Variants in TENM2 observed in about 807,000 individuals in gnomAD.
TENM2 encodes teneurin-2.
In TENM2, 52 loss-of-function variants were observed where a neutral mutation model predicts 245.2. The ratio of observed to expected loss-of-function variants is 0.21; its 90% CI spans 0.17 to 0.27. The LOEUF (loss-of-function observed/expected upper bound fraction) is 0.27, where lower values mean the gene tolerates loss of function less well. TENM2 is among the 10% of genes least tolerant of loss of function. The pLI is 1.00. For synonymous variants in TENM2, 1,363 were observed against 1,438.9 expected (o/e 0.95, Z 1.19); for missense variants, 3,046 against 3,666.8 (o/e 0.83, Z 4.37).
At chr5:167,251,608 C>CT in the TENM2 span, among the ~76,000 whole-genome samples, 9 of 152,210 alleles carry the variant, frequency 5.9e-5, no homozygotes, top group South Asian at 1.5e-3. Flanking sequence ...TATCATACAG[C>CT]TTGTATTCCA....
chr5:168,110,329 C>G (rs1431599476), intron 9 of TENM2, among the ~76,000 whole-genome samples: 1 of 152,178 alleles, frequency 6.6e-6, no homozygotes, highest in Non-Finnish European at 1.5e-5. Flanking sequence ...AAAATCCTAT[C>G]TAGTGATGAC....
exon 19 of TENM2, chr5:168,204,579 G>A (rs747328573): frequency 3.7e-6 from 6 of 1,613,952 alleles, no homozygotes; most frequent in South Asian, 1.1e-5. Context: ...TACATCCGAC[G>A]CATCTTTCCC....
chr5:168,192,431 G>T (rs1485480874), intron 14 of TENM2, among the ~76,000 whole-genome samples: 1 of 152,116 alleles, frequency 6.6e-6, no homozygotes, highest in African/African-American at 2.4e-5. Flanking sequence ...TCTCTCAAAA[G>T]AATAAGTAAC....
the TENM2 span, among the ~76,000 whole-genome samples, chr5:167,031,704 A>G: frequency 2.2e-4 from 34 of 152,246 alleles, no homozygotes; most frequent in African/African-American, 7.7e-4. Flanking sequence ...AGCTGGGATT[A>G]CAGGCATGCG....
At chr5:168,058,961 G>A (rs1485023417) in intron 6 of TENM2, among the ~76,000 whole-genome samples, 1 of 152,154 alleles carries the variant, frequency 6.6e-6, no homozygotes, top group Admixed American at 6.5e-5. Flanking sequence ...TAAGCAAATT[G>A]CTAGAGGTCA....
intron 5 of TENM2, among the ~76,000 whole-genome samples, chr5:168,010,710 G>A (rs12153623): frequency 0.13 from 20,487 of 152,250 alleles, 1,535 homozygotes; most frequent in East Asian, 0.27. Context: ...ATTGGAAGTC[G>A]TGGAGAATGA....
At position 168,218,201 on chromosome 5, in the gene TENM2, T is replaced by G. The variant is rs1457303902; in HGVS notation, c.4310T>G (p.Ile1437Ser). 6.2e-7 allele frequency: 1 copy of G among 1,613,824 alleles called. No individual in the cohort carries two copies. The highest frequency in any genetic ancestry group is 1.7e-5 in the Admixed American group (1 of 59,998). ...TTGTATGTTCTAGAGAACAATGTCATCCTTCGAATCACCGAGAACCACCAA... is the reference window on the plus strand; with the variant it reads ...TTGTATGTTCTAGAGAACAATGTCAGCCTTCGAATCACCGAGAACCACCAA... Residue 1437 changes from isoleucine to serine, a missense_variant, in exon 23 of 29, where the codon ATC (isoleucine) becomes AGC (serine). By Grantham distance (142) the Ile-to-Ser change is moderately radical (BLOSUM62 -2). Coordinates refer to ENST00000518659, the Ensembl canonical transcript of TENM2. The surrounding 1 kb of genome is among the most constrained non-coding windows in gnomAD (Gnocchi z 5.2).
chr5:167,137,762 T>C, the TENM2 span, among the ~76,000 whole-genome samples: 1 of 152,228 alleles, frequency 6.6e-6, no homozygotes, highest in Non-Finnish European at 1.5e-5. Context: ...GCTACTGGCT[T>C]GTTAACTTTA....
intron 1 of TENM2, among the ~76,000 whole-genome samples, chr5:167,305,471 A>C (rs1755617612): frequency 6.6e-6 from 1 of 152,214 alleles, no homozygotes; most frequent in South Asian, 2.1e-4. Context: ...CATCTTTACA[A>C]GGTCTTTTTT....
intron 5 of TENM2, among the ~76,000 whole-genome samples, chr5:168,033,949 C>A (rs1005754567): frequency 6.6e-6 from 1 of 150,486 alleles, no homozygotes; most frequent in Non-Finnish European, 1.5e-5. Flanking sequence ...ATGGCGTGAA[C>A]CTGGGAGGCA....
At chr5:168,118,162 C>T in intron 9 of TENM2, 130 bp from the exon 12 acceptor site, 1 of 616,902 alleles carries the variant, frequency 1.6e-6, no homozygotes. Flanking sequence ...TGCACCTGCA[C>T]AGCCAGAGTC....
At chr5:168,088,773 A>G (rs1203559349) in intron 7 of TENM2, among the ~76,000 whole-genome samples, 1 of 152,228 alleles carries the variant, frequency 6.6e-6, no homozygotes, top group East Asian at 1.9e-4. Context: ...GTCTGATGGC[A>G]AAGCCTTTGT....
At chr5:167,838,441 C>T (rs549844613) in intron 2 of TENM2, among the ~76,000 whole-genome samples, 1 of 152,230 alleles carries the variant, frequency 6.6e-6, no homozygotes, top group East Asian at 1.9e-4. Flanking sequence ...ACTAGTTCAA[C>T]AGGGACATGA....
intron 2 of TENM2, among the ~76,000 whole-genome samples, chr5:167,706,199 ATATAAT>A (rs903195931): frequency 9.6e-5 from 14 of 146,136 alleles, no homozygotes; most frequent in African/African-American, 3.5e-4. Context: ...ATCATATACT[ATATAAT>A]TATATAGTAT....
intron 2 of TENM2, among the ~76,000 whole-genome samples, chr5:167,787,092 G>A (rs1416624612): frequency 6.6e-6 from 1 of 152,158 alleles, no homozygotes; most frequent in Non-Finnish European, 1.5e-5. Flanking sequence ...GGGCAAATAA[G>A]GAGCATCTGC....
Position 167,755,108 on chromosome 5 carries a change from C to A in TENM2, c.503-120878C>A, listed in dbSNP as rs768222199. 2.5e-6 allele frequency: 4 copies of A among 1,598,986 alleles called. No homozygotes were observed. The South Asian group carries it at 4.4e-5, about 18-fold the overall frequency. ...CGTTGCTGGCACAATTGAATGCAAGCCAGATCATCTCTTATGGAGACCCGG... is the reference window on the plus strand; with the variant it reads ...CGTTGCTGGCACAATTGAATGCAAGACAGATCATCTCTTATGGAGACCCGG... On this transcript the variant is annotated intron_variant, in intron 2 of 28. Coordinates refer to ENST00000518659, the Ensembl canonical transcript of TENM2.
chr5:167,752,021 A>G (rs571842298), intron 2 of TENM2, among the ~76,000 whole-genome samples: 13 of 152,132 alleles, frequency 8.5e-5, no homozygotes, highest in Admixed American at 3.9e-4. Flanking sequence ...TGATGCTTTC[A>G]TCCTAAGAAA....
intron 8 of TENM2, among the ~76,000 whole-genome samples, chr5:168,093,472 A>G (rs182855899): frequency 1.3e-5 from 2 of 152,354 alleles, no homozygotes; most frequent in East Asian, 3.9e-4. Flanking sequence ...TCCTATCATC[A>G]GAACATTCTC....
At chr5:167,568,180 G>A (rs1222207995) in intron 2 of TENM2, among the ~76,000 whole-genome samples, 1 of 152,066 alleles carries the variant, frequency 6.6e-6, no homozygotes, top group Non-Finnish European at 1.5e-5. Flanking sequence ...GCTTAGACAT[G>A]GGAGGAAAGA....
Sources: allele counts gnomAD v4.1 joint callset (sites outside exome capture counted in the v4.1 genomes callset), GRCh38; gene constraint gnomAD v4.1.1; non-coding constraint Gnocchi (gnomAD v3.1); transcripts MANE v1.5; gene names NCBI Gene and HGNC (gene_info 2026-07-23, HGNC 2026-07-21).